EBNA1BP2: variants seen among roughly 807,000 people sequenced by gnomAD.
The protein encoded by EBNA1BP2 is probable rRNA-processing protein EBP2.
A neutral mutation model predicts 43.5 loss-of-function variants in EBNA1BP2; 36 were observed. That is an observed-to-expected ratio of 0.83 (90% CI 0.63 to 1.09). EBNA1BP2 has a LOEUF of 1.09. Ranked by LOEUF, EBNA1BP2 falls within the 50% of genes least tolerant of loss-of-function variation. The pLI is 0.00. For synonymous variants in EBNA1BP2, 127 were observed against 141.3 expected, an observed-to-expected ratio of 0.90 and a Z score of 0.72; for missense variants, 332 against 379.1, an observed-to-expected ratio of 0.88 and a Z score of 1.03.
chr1:43,171,426 C>T, intron 3 of EBNA1BP2, 53 bp downstream of exon 3: 2 of 1,552,122 alleles, frequency 1.3e-6, no homozygotes, highest in South Asian at 1.2e-5. Context: ...CCCTCTTTCC[C>T]ACTCTCCTGC....
chr1:43,171,684 G>A (rs1644974627), intron 2 of EBNA1BP2, 33 bp from the exon 3 acceptor site: 5 of 1,605,300 alleles, frequency 3.1e-6, no homozygotes, highest in Non-Finnish European at 3.4e-6. Context: ...TCACAAGAAG[G>A]GAACTCTGAG....
chr1:43,170,621 AATCT>A, intron 4 of EBNA1BP2, 131 bp downstream of exon 4: 1 of 1,301,548 alleles, frequency 7.7e-7, no homozygotes, highest in Non-Finnish European at 1.0e-6. Context: ...TGAAGTAGCC[AATCT>A]ATGGAAGAGG....
intron 3 of EBNA1BP2, 125 bp downstream of exon 3, chr1:43,171,354 T>TA (rs1189317366): frequency 1.0e-5 from 12 of 1,195,764 alleles, no homozygotes; most frequent in Non-Finnish European, 1.2e-5. Context: ...TAGCTATTCT[T>TA]AGTCAAAAGA....
chr1:43,170,717 A>G lies in EBNA1BP2; in HGVS notation c.447+39T>C, dbSNP rs1352087252. The G allele has an allele frequency of 1.3e-5, 21 of 1,591,270 alleles. No homozygotes were observed. In the Admixed American group the frequency reaches 2.5e-4, roughly 19 times the overall value. ...AAGCCAGCTGAATATGCTTAAGTAC[A>G]AAGTTTTGACTTTCCAGAGGAAAAC... On this transcript the variant is annotated intron_variant, in intron 4 of 8. Transcript: ENST00000236051.
chr1:43,172,153 A>C lies in EBNA1BP2; in HGVS notation c.-35T>G, dbSNP rs370782083. The C allele has an allele frequency of 8.1e-6, 13 of 1,613,788 alleles. No individual in the cohort carries two copies. The highest frequency in any genetic ancestry group is 3.3e-5 in the South Asian group (3 of 91,062). On this transcript the variant is annotated 5_prime_UTR_variant, in exon 1 of 9. Transcript: ENST00000236051. ...CGCACGTCCCACACCTACAGGAAGA[A>C]ACGGGGTATCCCGAGACCCAAGCGG...
At chr1:43,170,952 G>A in intron 3 of EBNA1BP2, 73 bp from the exon 4 acceptor site, 2 of 1,463,080 alleles carry the variant, frequency 1.4e-6, no homozygotes, top group South Asian at 3.0e-5. Context: ...CGCCAATCAT[G>A]AGTTATCCAA....
Position 43,168,919 on chromosome 1 carries a change from C to T in EBNA1BP2, c.537+20G>A. 3 of 1,613,670 alleles carry T rather than the reference C, an allele frequency of 1.9e-6. No homozygotes were observed. The highest frequency in any genetic ancestry group is 2.5e-6 in the Non-Finnish European group (3 of 1,179,702). ...CACACACTCCGCCTCTTCCTGTTCC[C>T]TGCACACTTTTCTTCTCACCTTCTT... On this transcript the variant is annotated intron_variant, in intron 5 of 8. Coordinates refer to ENST00000236051, the MANE Select transcript of EBNA1BP2 (RefSeq NM_006824.3).
At position 43,172,175 on chromosome 1, in the gene EBNA1BP2, G is replaced by A. The variant is rs773385509; in HGVS notation, c.-57C>T. The stretch of plus-strand genomic sequence containing the variant: ...AGAAACGGGGTATCCCGAGACCCAA[G>A]CGGCTAGCAGAGGGCGGCCCTGGCC... On this transcript the variant is annotated 5_prime_UTR_variant, in exon 1 of 9. Transcript: ENST00000236051. 1.2e-6 allele frequency: 2 copies of A among 1,611,056 alleles called. No individual in the cohort carries two copies. Among genetic ancestry groups the A allele is most frequent in the Admixed American group, 1.7e-5 (1 of 59,670 alleles).
rs757152736 is a variant in EBNA1BP2 at position 43,171,670 on chromosome 1, G to A, written c.151-19C>T. On this transcript the variant is annotated intron_variant, in intron 2 of 8. Coordinates refer to ENST00000236051, the MANE Select transcript of EBNA1BP2 (RefSeq NM_006824.3). ...GGCCATTCTAGGAAATCCAGACACTGAGCTCACAAGAAGGGAACTCTGAGT... is the reference window on the plus strand; with the variant it reads ...GGCCATTCTAGGAAATCCAGACACTAAGCTCACAAGAAGGGAACTCTGAGT... 18 of 1,610,464 alleles carry A rather than the reference G, an allele frequency of 1.1e-5. No homozygotes were observed. Among genetic ancestry groups the A allele is most frequent in the African/African-American group, 2.7e-5 (2 of 74,742 alleles).
intron 5 of EBNA1BP2, 100 bp downstream of exon 5, chr1:43,168,839 C>CA: frequency 8.6e-7 from 1 of 1,163,950 alleles, no homozygotes; most frequent in Non-Finnish European, 1.3e-6. Flanking sequence ...ACATGATCAA[C>CA]ACACAGTTCC....
At chr1:43,172,443 A>T, upstream of EBNA1BP2, 5 of 1,548,758 alleles carry the variant, frequency 3.2e-6, no homozygotes, top group Non-Finnish European at 4.4e-6. Context: ...TGACCCAGAG[A>T]GAAACGAAAG....
rs1644934733 is a variant in EBNA1BP2 at position 43,168,813 on chromosome 1, C to G, written c.537+126G>C. On this transcript the variant is annotated intron_variant, in intron 5 of 8. Transcript: ENST00000236051. ...GTGCTCATGAATACCAGCACATACACTGAGAGACGGTAAATACATGATCAA... is the reference window on the plus strand; with the variant it reads ...GTGCTCATGAATACCAGCACATACAGTGAGAGACGGTAAATACATGATCAA... 5.1e-6 allele frequency: 5 copies of G among 982,452 alleles called. No individual in the cohort carries two copies. The South Asian group carries it at 5.4e-5, about 11-fold the overall frequency. 60.9% of individuals were successfully genotyped at this position (982,452 alleles called of 1,614,324 possible).
chr1:43,169,710 A>G (rs1691287), intron 4 of EBNA1BP2, among the ~76,000 whole-genome samples: 30,678 of 152,116 alleles, frequency 0.2, 3,590 homozygotes, highest in Middle Eastern at 0.3. Context: ...TTAAAGTCAG[A>G]GGACCTCAAC....
chr1:43,171,350 T>G (rs1557711365), intron 3 of EBNA1BP2, 129 bp downstream of exon 3: 1 of 1,168,880 alleles, frequency 8.6e-7, no homozygotes. Flanking sequence ...CTCCTAGCTA[T>G]TCTTAGTCAA....
chr1:43,164,434 A>G lies in EBNA1BP2; in HGVS notation c.*9T>C, dbSNP rs1644904417. 6.2e-7 allele frequency: 1 copy of G among 1,614,196 alleles called. No individual in the cohort carries two copies. The highest frequency in any genetic ancestry group is 2.2e-5 in the East Asian group (1 of 44,884). ...CTTTTTCTTGGTTCTTTGTATTCAA[A>G]GATGCTATTTAGTGTGTTCTGTTCT... On this transcript the variant is annotated 3_prime_UTR_variant, in exon 9 of 9. Transcript: ENST00000236051.
At chr1:43,166,108 T>G (rs558339400) in intron 7 of EBNA1BP2, among the ~76,000 whole-genome samples, 101 of 152,348 alleles carry the variant, frequency 6.6e-4, no homozygotes, top group Non-Finnish European at 1.2e-3. Flanking sequence ...TCTTTCAGTC[T>G]TCATACTATG....
rs191851340 is a variant in EBNA1BP2, at chr1:43,167,143, A to G, written c.613+17T>C. On this transcript the variant is annotated intron_variant, in intron 6 of 8. Transcript: ENST00000236051. Reference sequence around the variant, plus strand: ...AAGTACCTGCTACCCTCGTTCCCCTATTAGAGATGTACCAACCTTTCTGAT... The same window carrying G: ...AAGTACCTGCTACCCTCGTTCCCCTGTTAGAGATGTACCAACCTTTCTGAT... 1.9e-6 allele frequency: 3 copies of G among 1,611,226 alleles called. No homozygotes were observed. The highest frequency in any genetic ancestry group is 1.7e-5 in the Admixed American group (1 of 59,996).
At chr1:43,170,994 T>C in intron 3 of EBNA1BP2, 115 bp from the exon 4 acceptor site, 1 of 1,391,034 alleles carries the variant, frequency 7.2e-7, no homozygotes, top group Non-Finnish European at 9.4e-7. Flanking sequence ...CTGACCTCCA[T>C]TAGCAAGAAC....
At chr1:43,165,235 A>G (rs1252708047) in intron 7 of EBNA1BP2, among the ~76,000 whole-genome samples, 1 of 152,248 alleles carries the variant, frequency 6.6e-6, no homozygotes, top group Non-Finnish European at 1.5e-5. Context: ...AAACATTCAA[A>G]TGTAATTATA....
Sources: gnomAD v4.1 joint callset for allele counts (sites outside exome capture counted in the v4.1 genomes callset) on GRCh38, gnomAD v4.1.1 for gene constraint, MANE v1.5 for transcripts, NCBI Gene and HGNC (gene_info 2026-07-23, HGNC 2026-07-21) for gene names.